The following FKBP5 variants were observed in gnomAD, a reference collection of about 807,000 sequenced individuals.
FKBP5 encodes the protein FKBP prolyl isomerase 5.
A neutral mutation model predicts 50.5 loss-of-function variants in FKBP5; 23 were observed. That is an observed-to-expected ratio of 0.46 (90% CI 0.33 to 0.65). The LOEUF (loss-of-function observed/expected upper bound fraction) is 0.65. Among genes scored for constraint, FKBP5 ranks in the 30% least tolerant of loss-of-function variants. The pLI, the probability that FKBP5 is intolerant of heterozygous loss-of-function variation, is 0.02. For synonymous variants in FKBP5, 176 were observed against 190.6 expected (o/e 0.92, Z 0.63); for missense variants, 411 against 553.1 (o/e 0.74, Z 2.58).
chr6:35,693,258 G>A (rs1214902667), upstream of FKBP5, among the ~76,000 whole-genome samples: 1 of 149,154 alleles, frequency 6.7e-6, no homozygotes, highest in African/African-American at 2.5e-5. Flanking sequence ...CGCCTTCCAG[G>A]TTCACACCAT....
At chr6:35,613,096 C>CACAGAAATG (rs1416494424) in intron 5 of FKBP5, among the ~76,000 whole-genome samples, 1 of 152,240 alleles carries the variant, frequency 6.6e-6, no homozygotes, top group East Asian at 1.9e-4. Context: ...TGTCTCTTTA[C>CACAGAAATG]ACAGAAATGA....
intron 8 of FKBP5, chr6:35,586,411 T>G: frequency 1.0e-6 from 1 of 985,318 alleles, no homozygotes; most frequent in Non-Finnish European, 1.2e-6. Context: ...CAGTTTGTTT[T>G]GAAATTTGTG....
intron 2 of FKBP5, among the ~76,000 whole-genome samples, chr6:35,637,618 C>T (rs900823979): frequency 6.6e-6 from 1 of 152,096 alleles, no homozygotes; most frequent in African/African-American, 2.4e-5. Context: ...CGTGCGCCTC[C>T]GTGCTCAGCT....
intron 1 of FKBP5, among the ~76,000 whole-genome samples, chr6:35,721,295 T>C (rs990037176): frequency 7.9e-5 from 12 of 151,574 alleles, no homozygotes; most frequent in African/African-American, 2.9e-4. Flanking sequence ...GAGGTTGCAG[T>C]GAGCTGGGAT....
intron 1 of FKBP5, among the ~76,000 whole-genome samples, chr6:35,663,936 G>A (rs748905996): frequency 2.0e-4 from 30 of 152,104 alleles, no homozygotes; most frequent in African/African-American, 6.5e-4. Context: ...CTACTGACAC[G>A]TCCAGACAGC....
chr6:35,580,236 C>G lies in FKBP5; in HGVS notation c.841-15G>C. The G allele has an allele frequency of 1.9e-6, 3 of 1,603,220 alleles. No individual in the cohort carries two copies. The highest frequency in any genetic ancestry group is 2.6e-6 in the Non-Finnish European group (3 of 1,172,850). On this transcript the variant is annotated splice_polypyrimidine_tract_variant and intron_variant, in intron 8 of 10. Transcript: ENST00000357266. Reference sequence around the variant, plus strand: ...TATTTGCCTCCCTAGGATAAAAAAGCGTCATTACTTGTACTCAGCTCTTGA... The same window carrying G: ...TATTTGCCTCCCTAGGATAAAAAAGGGTCATTACTTGTACTCAGCTCTTGA...
intron 2 of FKBP5, among the ~76,000 whole-genome samples, chr6:35,702,704 G>A (rs1239256761): frequency 6.6e-6 from 1 of 151,778 alleles, no homozygotes; most frequent in African/African-American, 2.4e-5. Flanking sequence ...CACCCGCCTC[G>A]GCCTTCCAAA....
intron 1 of FKBP5, among the ~76,000 whole-genome samples, chr6:35,677,667 C>T (rs563943239): frequency 2.0e-5 from 3 of 152,302 alleles, no homozygotes; most frequent in Admixed American, 6.5e-5. Context: ...CACTATTCAC[C>T]AGGTTATCTG....
chr6:35,587,157 G>C (rs780355730), intron 7 of FKBP5, 40 bp from the exon 8 acceptor site: 1 of 1,579,006 alleles, frequency 6.3e-7, no homozygotes, highest in Non-Finnish European at 8.7e-7. Flanking sequence ...TGAACAGAGA[G>C]AAAAGCATCA....
At chr6:35,706,438 A>G (rs867594880) in intron 2 of FKBP5, among the ~76,000 whole-genome samples, 88 of 151,434 alleles carry the variant, frequency 5.8e-4, no homozygotes, top group African/African-American at 1.9e-3. Flanking sequence ...AAAAAAAAAA[A>G]AAAAGAAAAG....
At chr6:35,649,942 T>C (rs778315672) in intron 1 of FKBP5, among the ~76,000 whole-genome samples, 2 of 152,224 alleles carry the variant, frequency 1.3e-5, no homozygotes, top group Non-Finnish European at 2.9e-5. Flanking sequence ...ATGCATACTA[T>C]AAAAATATAC....
At chr6:35,672,761 TA>T (rs11399067) in intron 1 of FKBP5, among the ~76,000 whole-genome samples, 27 of 145,732 alleles carry the variant, frequency 1.9e-4, no homozygotes, top group Middle Eastern at 6.9e-3. Context: ...TTGTCTCTAC[TA>T]AAAAAAAAAA....
intron 1 of FKBP5, among the ~76,000 whole-genome samples, chr6:35,673,284 T>C (rs927574902): frequency 8.5e-5 from 13 of 152,200 alleles, no homozygotes; most frequent in Admixed American, 5.9e-4. Context: ...GTGCCGTGGC[T>C]CCTGCCTGTA....
intron 1 of FKBP5, among the ~76,000 whole-genome samples, chr6:35,723,384 G>A (rs1298958097): frequency 6.6e-6 from 1 of 152,156 alleles, no homozygotes; most frequent in Non-Finnish European, 1.5e-5. Flanking sequence ...GATTAACAAG[G>A]CTGAGCAATC....
chr6:35,596,337 G>C (rs1167816956), intron 6 of FKBP5, among the ~76,000 whole-genome samples: 1 of 152,152 alleles, frequency 6.6e-6, no homozygotes, highest in Non-Finnish European at 1.5e-5. Context: ...CTGGGTGGCA[G>C]AGCAAGACTC....
intron 5 of FKBP5, among the ~76,000 whole-genome samples, chr6:35,616,314 CAAAAAAAAAA>C (rs34779549): frequency 3.5e-5 from 2 of 57,452 alleles, no homozygotes; most frequent in Admixed American, 5.7e-4. Flanking sequence ...GACTCCATCT[CAAAAAAAAAA>C]AAAAAAAAAA....
rs946067378 is a variant in FKBP5 at position 35,573,672 on chromosome 6, A to T, written c.*2163T>A. 4 of 152,148 alleles carry T rather than the reference A, an allele frequency of 2.6e-5. No homozygotes were observed. The highest frequency in any genetic ancestry group is 6.6e-5 in the Admixed American group (1 of 15,264). 9.4% of individuals were successfully genotyped at this position (152,148 alleles called of 1,614,324 possible). ...TTTTTTTTTAAAAACAATGTCTTTA[A>T]TTCCTCATATGCTGACTTGGCAATC... On this transcript the variant is annotated 3_prime_UTR_variant, in exon 11 of 11. Coordinates refer to ENST00000357266, the MANE Select transcript of FKBP5 (RefSeq NM_004117.4).
At chr6:35,608,581 G>A (rs1024327685) in intron 5 of FKBP5, among the ~76,000 whole-genome samples, 3 of 152,120 alleles carry the variant, frequency 2.0e-5, no homozygotes, top group African/African-American at 4.8e-5. Context: ...CAGCTACTCC[G>A]GTGGCTGAGG....
intron 2 of FKBP5, among the ~76,000 whole-genome samples, chr6:35,698,950 T>C (rs1327889453): frequency 6.6e-6 from 1 of 152,238 alleles, no homozygotes; most frequent in Non-Finnish European, 1.5e-5. Flanking sequence ...AGGTCCCACC[T>C]GTAACACTGG....
Sources: gnomAD v4.1 joint callset for allele counts (sites outside exome capture counted in the v4.1 genomes callset) on GRCh38, gnomAD v4.1.1 for gene constraint, MANE v1.5 for transcripts, NCBI Gene and HGNC (gene_info 2026-07-23, HGNC 2026-07-21) for gene names.